Variants in CDH4 observed in about 807,000 individuals in gnomAD.
CDH4 encodes cadherin 4.
Under a neutral mutation model 86.0 loss-of-function variants are expected in CDH4, and 33 were observed. That is an observed-to-expected ratio of 0.38 (90% CI 0.29 to 0.51). CDH4 has a LOEUF of 0.51. CDH4 is among the 20% of genes least tolerant of loss of function. CDH4 has a pLI of 0.86. For synonymous variants in CDH4, 555 were observed against 549.4 expected (o/e 1.01, Z -0.14); for missense variants, 1,114 against 1,307.4 (o/e 0.85, Z 2.28).
intron 2 of CDH4, among the ~76,000 whole-genome samples, chr20:61,461,196 T>A (rs554825033): frequency 0.039 from 5,960 of 151,786 alleles, 388 homozygotes; most frequent in African/African-American, 0.14. Context: ...CCATTTTTTT[T>A]TAAAAAAAAT....
At chr20:61,294,887 G>A (rs767307682) in intron 2 of CDH4, among the ~76,000 whole-genome samples, 1 of 152,192 alleles carries the variant, frequency 6.6e-6, no homozygotes, top group Non-Finnish European at 1.5e-5. Flanking sequence ...CTGGTGCATC[G>A]GGCACAGGGT....
intron 5 of CDH4, among the ~76,000 whole-genome samples, chr20:61,849,663 C>G (rs1166608698): frequency 6.6e-6 from 1 of 152,150 alleles, no homozygotes; most frequent in Non-Finnish European, 1.5e-5. Flanking sequence ...TCCTTGCTGG[C>G]TATTCGGGGG....
intron 3 of CDH4, among the ~76,000 whole-genome samples, chr20:61,765,533 G>A (rs2088688118): frequency 6.6e-6 from 1 of 152,236 alleles, no homozygotes; most frequent in African/African-American, 2.4e-5. Flanking sequence ...TCTCAGCTCA[G>A]CTGCAGCAGA....
chr20:61,576,507 G>A (rs905167411), intron 2 of CDH4, among the ~76,000 whole-genome samples: 25 of 152,228 alleles, frequency 1.6e-4, no homozygotes, highest in Admixed American at 3.9e-4. Context: ...CTGGCTTGGA[G>A]TAGGAGTAGG....
intron 2 of CDH4, among the ~76,000 whole-genome samples, chr20:61,595,140 C>G (rs985787842): frequency 6.6e-6 from 1 of 152,230 alleles, no homozygotes; most frequent in Non-Finnish European, 1.5e-5. Flanking sequence ...GACCTCCCAC[C>G]CTTGGGTCCA....
intron 2 of CDH4, among the ~76,000 whole-genome samples, chr20:61,315,341 G>A (rs1221701726): frequency 6.6e-6 from 1 of 152,180 alleles, no homozygotes; most frequent in Non-Finnish European, 1.5e-5. Flanking sequence ...GAGAGAAACT[G>A]GGGGACATTG....
At chr20:61,741,947 C>T (rs1350705462) in intron 2 of CDH4, among the ~76,000 whole-genome samples, 2 of 152,176 alleles carry the variant, frequency 1.3e-5, no homozygotes, top group Non-Finnish European at 2.9e-5. Context: ...TTTTAGGGAA[C>T]AAAGGGGCTT....
chr20:61,393,087 A>AAT lies in CDH4; in HGVS notation c.169+138151_169+138152dup, dbSNP rs2084995782. Among the ~76,000 whole-genome samples the AAT allele has an allele frequency of 6.6e-6, 1 of 152,046 alleles. No homozygotes were observed. The highest frequency in any genetic ancestry group is 2.4e-5 in the African/African-American group (1 of 41,416). On this transcript the variant is annotated intron_variant, in intron 2 of 15. Transcript: ENST00000614565. This position sits in a 1 kb window ranked among gnomAD's most constrained non-coding sequence, Gnocchi z 4.3. ...TTATTTTCCTCCTAATTTCTTACTG[A>AAT]ATTGATTCCCACTGAATCTCTGTAG... is the stretch of plus-strand genomic sequence containing the variant.
chr20:61,564,287 A>C (rs1307005824), intron 2 of CDH4, among the ~76,000 whole-genome samples: 2 of 152,166 alleles, frequency 1.3e-5, no homozygotes, highest in African/African-American at 4.8e-5. Flanking sequence ...GCCATTAAGC[A>C]CAGTGTGTGT....
intron 2 of CDH4, among the ~76,000 whole-genome samples, chr20:61,299,967 G>T (rs183813371): frequency 3.3e-5 from 5 of 152,190 alleles, no homozygotes; most frequent in Non-Finnish European, 7.3e-5. Context: ...TGTAGAGGGG[G>T]GACCAGGTTT....
In CDH4 at chr20:61,582,574, C is replaced by T. The variant is rs550283408; in HGVS notation, c.170-160989C>T. On this transcript the variant is annotated intron_variant, in intron 2 of 15. Transcript: ENST00000614565. The surrounding 1 kb of genome is among the most constrained non-coding windows in gnomAD (Gnocchi z 4.2). ...CTTCCGGGGAGAGTCTCCCCAGTTG[C>T]ACCCAGTGCCCTGAGAGCTGCACCT... 1.3e-5 allele frequency among the ~76,000 whole-genome samples: 2 copies of T among 152,284 alleles called. No homozygotes were observed. Among genetic ancestry groups the T allele is most frequent in the East Asian group, 3.9e-4 (2 of 5,154 alleles).
chr20:61,806,413 A>G (rs1980131894), intron 4 of CDH4, among the ~76,000 whole-genome samples: 2 of 152,374 alleles, frequency 1.3e-5, no homozygotes, highest in South Asian at 4.1e-4. Context: ...ACTCGCCTGC[A>G]GGAGGGCACC....
At chr20:61,933,240 T>TGAAGGTGCC (rs1239613706) in intron 14 of CDH4, 116 bp downstream of exon 14, 1 of 1,341,888 alleles carries the variant, frequency 7.5e-7, no homozygotes, top group East Asian at 2.4e-5. Flanking sequence ...TTTTCACCAG[T>TGAAGGTGCC]GAAGGTGCCA....
intron 9 of CDH4, among the ~76,000 whole-genome samples, chr20:61,919,837 G>A (rs111646097): frequency 0.032 from 2,035 of 63,688 alleles, 51 homozygotes; most frequent in African/African-American, 0.1. Flanking sequence ...GCATGGAAGC[G>A]TGTGATTGTG....
chr20:61,682,080 T>C (rs2087521082), intron 2 of CDH4, among the ~76,000 whole-genome samples: 1 of 152,198 alleles, frequency 6.6e-6, no homozygotes, highest in African/African-American at 2.4e-5. Context: ...TCTGGGCCAG[T>C]CCCTGCCTTT....
At chr20:61,825,209 A>G (rs113521596) in intron 4 of CDH4, among the ~76,000 whole-genome samples, 1 of 152,108 alleles carries the variant, frequency 6.6e-6, no homozygotes, top group African/African-American at 2.4e-5. Context: ...GGAGTTCGAG[A>G]CCAGCTGGGC....
At chr20:61,354,120 A>G (rs28648551) in intron 2 of CDH4, among the ~76,000 whole-genome samples, 94 of 152,162 alleles carry the variant, frequency 6.2e-4, no homozygotes, top group African/African-American at 2.2e-3. Flanking sequence ...TGGTGCTGGC[A>G]TCGTGTAGGT....
At chr20:61,865,725 A>T (rs1241939244) in intron 6 of CDH4, among the ~76,000 whole-genome samples, 1 of 143,170 alleles carries the variant, frequency 7.0e-6, no homozygotes, top group Non-Finnish European at 1.5e-5. Context: ...AGTTTCCTGG[A>T]CAGGTTAGTG....
At chr20:61,395,413 G>A (rs1353617537) in intron 2 of CDH4, among the ~76,000 whole-genome samples, 1 of 152,018 alleles carries the variant, frequency 6.6e-6, no homozygotes, top group African/African-American at 2.4e-5. Flanking sequence ...GCATATATAT[G>A]GCATTAATAC....
Sources: allele counts gnomAD v4.1 joint callset (sites outside exome capture counted in the v4.1 genomes callset), GRCh38; gene constraint gnomAD v4.1.1; non-coding constraint Gnocchi (gnomAD v3.1); transcripts MANE v1.5; gene names NCBI Gene and HGNC (gene_info 2026-07-23, HGNC 2026-07-21).